The following SYT16 variants were observed in gnomAD, a reference collection of about 807,000 sequenced individuals.
SYT16 encodes the protein synaptotagmin-16.
SYT16 carries 42 observed loss-of-function variants against 61.4 expected under a neutral mutation model. The observed-to-expected ratio is 0.68, with a 90% CI of 0.53 to 0.89. The LOEUF (loss-of-function observed/expected upper bound fraction) is 0.89. Among genes scored for constraint, SYT16 ranks in the 40% least tolerant of loss-of-function variants. SYT16 has a pLI of 0.00. For synonymous variants in SYT16, 314 were observed against 302.3 expected, an observed-to-expected ratio of 1.04 and a Z score of -0.40; for missense variants, 804 against 807.3, an observed-to-expected ratio of 1.00 and a Z score of 0.05.
chr14:61,940,241 AT>A (rs995294233), intron 1 of SYT16, among the ~76,000 whole-genome samples: 77 of 142,598 alleles, frequency 5.4e-4, no homozygotes, highest in East Asian at 4.5e-3. Flanking sequence ...TTTTATTTCT[AT>A]TTTTTTTTTT....
chr14:61,827,776 C>T (rs1023875190), intron 1 of SYT16, among the ~76,000 whole-genome samples: 1 of 152,078 alleles, frequency 6.6e-6, no homozygotes, highest in African/African-American at 2.4e-5. Flanking sequence ...CTTCTGTCTA[C>T]TTAGAATCAA....
intron 3 of SYT16, among the ~76,000 whole-genome samples, chr14:62,009,613 G>GGTTC (rs1471687042): frequency 6.6e-6 from 1 of 152,128 alleles, no homozygotes; most frequent in African/African-American, 2.4e-5. Flanking sequence ...GATCCTCCTA[G>GGTTC]GTTCTCCTAT....
intron 3 of SYT16, among the ~76,000 whole-genome samples, chr14:62,035,374 ATTCTC>A (rs944703346): frequency 6.6e-6 from 1 of 152,214 alleles, no homozygotes; most frequent in African/African-American, 2.4e-5. Context: ...TGGTCAGACT[ATTCTC>A]TTAATCTTTT....
intron 4 of SYT16, among the ~76,000 whole-genome samples, chr14:62,072,061 G>C (rs1207825588): frequency 6.6e-6 from 1 of 152,178 alleles, no homozygotes; most frequent in Non-Finnish European, 1.5e-5. Flanking sequence ...TAAGTGGTCT[G>C]GATTGGAGGC....
chr14:61,967,509 G>T (rs2353246), intron 1 of SYT16, among the ~76,000 whole-genome samples: 64,518 of 151,892 alleles, frequency 0.42, 14,285 homozygotes, highest in East Asian at 0.75. Flanking sequence ...TTCCGTGCCT[G>T]TCTCCTAGCT....
chr14:61,850,276 A>T lies in SYT16; in HGVS notation c.-325+37466A>T, dbSNP rs572840371. 2.0e-5 allele frequency among the ~76,000 whole-genome samples: 3 copies of T among 152,032 alleles called. No homozygotes were observed. In the East Asian group the frequency reaches 5.8e-4, roughly 29 times the overall value. On this transcript the variant is annotated intron_variant, in intron 1 of 7. Transcript: ENST00000683842. ...TAGCTTCCCTAGTAGCTGGGATTAC[A>T]GGCACCTGCCACCATGCCTGGCTAA...
intron 1 of SYT16, among the ~76,000 whole-genome samples, chr14:61,942,557 C>T (rs2050249842): frequency 6.6e-6 from 1 of 152,098 alleles, no homozygotes; most frequent in African/African-American, 2.4e-5. Context: ...TTTCGACTCA[C>T]AGTGGGATTC....
At chr14:61,908,064 C>T (rs955106440) in intron 1 of SYT16, among the ~76,000 whole-genome samples, 1 of 152,220 alleles carries the variant, frequency 6.6e-6, no homozygotes, top group Non-Finnish European at 1.5e-5. Context: ...CAGTCCTCAC[C>T]TGAGTAAGGT....
chr14:61,852,262 T>C (rs1486802244), intron 1 of SYT16, among the ~76,000 whole-genome samples: 3 of 152,216 alleles, frequency 2.0e-5, no homozygotes, highest in Non-Finnish European at 4.4e-5. Flanking sequence ...ATGTCTATTC[T>C]GTTCCATTGG....
chr14:62,006,763 G>A (rs1325961260), intron 3 of SYT16, among the ~76,000 whole-genome samples: 11 of 152,112 alleles, frequency 7.2e-5, no homozygotes, highest in Non-Finnish European at 1.2e-4. Context: ...TGATGGGAAG[G>A]AGTTCTAATT....
chr14:61,962,778 A>G (rs1399474967), intron 1 of SYT16, among the ~76,000 whole-genome samples: 1 of 152,016 alleles, frequency 6.6e-6, no homozygotes, highest in Non-Finnish European at 1.5e-5. Flanking sequence ...TGCTTGAGTA[A>G]GTTGAAGCTC....
intron 4 of SYT16, among the ~76,000 whole-genome samples, chr14:62,073,744 G>A (rs1337631987): frequency 2.6e-5 from 4 of 152,126 alleles, no homozygotes; most frequent in African/African-American, 9.7e-5. Context: ...CTATACATGG[G>A]TCATGTACTC....
At chr14:62,098,800 G>A (rs2057344650) in intron 7 of SYT16, among the ~76,000 whole-genome samples, 1 of 152,176 alleles carries the variant, frequency 6.6e-6, no homozygotes, top group Non-Finnish European at 1.5e-5. Context: ...GCTGAGACAG[G>A]CTAAAACTAG....
intron 1 of SYT16, among the ~76,000 whole-genome samples, chr14:61,957,743 C>A (rs1165493929): frequency 6.6e-6 from 1 of 151,810 alleles, no homozygotes; most frequent in African/African-American, 2.4e-5. Flanking sequence ...ATTCATTTAT[C>A]AGGGAAATTG....
At chr14:61,886,880 C>CTTTTTTTTTTTTTTT (rs371140698) in intron 1 of SYT16, among the ~76,000 whole-genome samples, 18 of 110,826 alleles carry the variant, frequency 1.6e-4, no homozygotes, top group East Asian at 2.8e-4. Context: ...TTTTTTTTGT[C>CTTTTTTTTTTTTTTT]TTTTTTTTTT....
At chr14:61,817,018 C>G (rs879915732) in intron 1 of SYT16, among the ~76,000 whole-genome samples, 1 of 143,856 alleles carries the variant, frequency 7.0e-6, no homozygotes, top group African/African-American at 2.7e-5. Context: ...CACACACACA[C>G]ACACACACAC....
intron 3 of SYT16, among the ~76,000 whole-genome samples, chr14:62,047,045 A>G (rs1566794176): frequency 6.6e-6 from 1 of 152,206 alleles, no homozygotes; most frequent in Non-Finnish European, 1.5e-5. Flanking sequence ...TACCTTGGGC[A>G]GTATGGCCAT....
chr14:61,864,017 C>T (rs1272536293), intron 1 of SYT16, among the ~76,000 whole-genome samples: 3 of 152,320 alleles, frequency 2.0e-5, no homozygotes, highest in South Asian at 2.1e-4. Flanking sequence ...TATAGCACGT[C>T]TTGAAGTTGG....
At chr14:61,910,128 C>G (rs1471278808) in intron 1 of SYT16, among the ~76,000 whole-genome samples, 3 of 152,298 alleles carry the variant, frequency 2.0e-5, no homozygotes, top group East Asian at 1.9e-4. Context: ...GCTATCATTG[C>G]TATCATTCAT....
Sources: allele counts gnomAD v4.1 joint callset (sites outside exome capture counted in the v4.1 genomes callset), GRCh38; gene constraint gnomAD v4.1.1; transcripts MANE v1.5; gene names NCBI Gene and HGNC (gene_info 2026-07-23, HGNC 2026-07-21).